CPOX: variants seen among roughly 807,000 people sequenced by gnomAD.
The protein encoded by CPOX is oxygen-dependent coproporphyrinogen-III oxidase, mitochondrial.
CPOX carries 24 observed loss-of-function variants against 48.9 expected under a neutral mutation model. The ratio of observed to expected loss-of-function variants is 0.49; its 90% CI spans 0.36 to 0.69. CPOX has a LOEUF of 0.69. Among genes scored for constraint, CPOX ranks in the 30% least tolerant of loss-of-function variants. The pLI is 0.00. For missense variants in CPOX, 549 were observed against 597.3 expected (o/e 0.92, Z 0.84); for synonymous variants, 249 against 234.6 (o/e 1.06, Z -0.56).
rs1707510006 is a variant in CPOX at position 98,593,019 on chromosome 3, C to G, written c.486G>C (p.Gln162His). ...MELLILETQA[Q>H]VCQALAQVDG... The stretch of plus-strand genomic sequence containing the variant: ...CTACCTGTGCCAGAGCCTGGCACAC[C>G]TGGGCCTGGGTCTCCAGAATCAGCA... The change falls in exon 1 of 7, where the codon CAG (glutamine) becomes CAC (histidine). Residue 162 changes from glutamine (Q) to histidine (H), a missense_variant. Transcript: ENST00000647941. The G allele has an allele frequency of 6.2e-7, 1 of 1,613,848 alleles. No homozygotes were observed. Among genetic ancestry groups the G allele is most frequent in the African/African-American group, 1.3e-5 (1 of 74,886 alleles).
chr3:98,593,361 G>A lies in CPOX; in HGVS notation c.144C>T (p.Cys48=), dbSNP rs1416285304. 2 of 1,340,152 alleles carry A rather than the reference G, an allele frequency of 1.5e-6. No homozygotes were observed. The highest frequency in any genetic ancestry group is 3.1e-5 in the East Asian group (1 of 32,434). 83.0% of individuals were successfully genotyped at this position (1,340,152 alleles called of 1,614,324 possible). The change falls in exon 1 of 7, where the codon TGC becomes TGT. Residue 48 remains cysteine, a synonymous_variant. Transcript: ENST00000647941. ...WSQRSAAGRV[C]RPPGPAGTEQ... ...CCGTGCCAGCCGGGCCAGGGGGCCG[G>A]CAGACGCGTCCGGCTGCGCTGCGCT...
At position 98,591,093 on chromosome 3, in the gene CPOX, T is replaced by C. The variant is rs1707470407; in HGVS notation, c.619A>G (p.Ile207Val). 6.2e-7 allele frequency: 1 copy of C among 1,614,112 alleles called. No individual in the cohort carries two copies. The highest frequency in any genetic ancestry group is 8.5e-7 in the Non-Finnish European group (1 of 1,180,006). Residue 207 changes from isoleucine to valine, a missense_variant, in exon 2 of 7, where the codon ATT becomes GTT. Physicochemically the swap from Ile to Val is conservative, Grantham distance 29 (BLOSUM62 3). Transcript: ENST00000647941. Reference protein sequence around the residue: ...GCVFEKAGVSISVVHGNLSEE... With the variant: ...GCVFEKAGVSVSVVHGNLSEE... The stretch of plus-strand genomic sequence containing the variant: ...GAAAGATTTCCATGAACAACAGAAA[T>C]GCTCACCCCAGCCTTTTCGAAAACA...
chr3:98,583,041 T>A (rs1707291136), intron 5 of CPOX, among the ~76,000 whole-genome samples: 2 of 152,216 alleles, frequency 1.3e-5, no homozygotes. Context: ...CCTGATATTA[T>A]CTTTCTGAAA....
At chr3:98,583,308 T>C (rs1707296492) in intron 5 of CPOX, among the ~76,000 whole-genome samples, 1 of 152,190 alleles carries the variant, frequency 6.6e-6, no homozygotes, top group African/African-American at 2.4e-5. Context: ...TTCTTCTTTC[T>C]TAAAGTAGTT....
In CPOX at chr3:98,590,753, A is replaced by C; in HGVS notation, c.701-11T>G. On this transcript the variant is annotated splice_polypyrimidine_tract_variant and intron_variant, in intron 2 of 6. Coordinates refer to ENST00000647941, the MANE Select transcript of CPOX (RefSeq NM_000097.7). Reference sequence around the variant, plus strand: ...AAAATGGCAATTTACCTGGAAAGTAAAATATGAGTCATGAGCTATATTCAG... The same window carrying C: ...AAAATGGCAATTTACCTGGAAAGTACAATATGAGTCATGAGCTATATTCAG... 2 of 1,570,620 alleles carry C rather than the reference A, an allele frequency of 1.3e-6. No individual in the cohort carries two copies. Among genetic ancestry groups the C allele is most frequent in the Non-Finnish European group, 1.8e-6 (2 of 1,140,530 alleles).
At chr3:98,587,422 G>A (rs1371482694) in intron 4 of CPOX, among the ~76,000 whole-genome samples, 5 of 150,326 alleles carry the variant, frequency 3.3e-5, no homozygotes, top group Non-Finnish European at 7.4e-5. Context: ...TAAATAAAAG[G>A]AACTTATTTC....
rs374136925 is a variant in CPOX, at chr3:98,581,511, C to A, written c.1173G>T (p.Arg391=). 42 of 1,608,970 alleles carry A rather than the reference C, an allele frequency of 2.6e-5. No homozygotes were observed. Among genetic ancestry groups the A allele is most frequent in the Non-Finnish European group, 3.6e-5 (42 of 1,175,560 alleles). The change falls in exon 6 of 7, where the codon CGG becomes CGT. Residue 391 remains arginine (R), a splice_region_variant and synonymous_variant. Coordinates refer to ENST00000647941, the MANE Select transcript of CPOX (RefSeq NM_000097.7). ...EKLWQQLRRG[R]YVEFNLLYDR... ...CATACAGCAGATTAAATTCTACATA[C>A]CTGCCATAAATACATCAAATAACAT...
In CPOX at chr3:98,580,332, T is replaced by TA; in HGVS notation, c.*350dup. On this transcript the variant is annotated 3_prime_UTR_variant, in exon 7 of 7. Transcript: ENST00000647941. Reference sequence around the variant, plus strand: ...ATTTTTGTGGCACAAATGAAAACTTTAAAAAATACATGAAACAAAAACAAG... The same window carrying TA: ...ATTTTTGTGGCACAAATGAAAACTTTAAAAAAATACATGAAACAAAAACAAG... 4.0e-6 allele frequency: 4 copies of TA among 1,007,876 alleles called. No individual in the cohort carries two copies. The highest frequency in any genetic ancestry group is 4.2e-5 in the South Asian group (1 of 23,718). The allele number at this position is 1,007,876 out of a possible 1,614,324, so 62.4% of individuals were successfully genotyped here.
the CPOX span, among the ~76,000 whole-genome samples, chr3:98,574,173 G>A: frequency 1.3e-5 from 2 of 152,140 alleles, no homozygotes; most frequent in African/African-American, 4.8e-5. Context: ...TGCTCTTCTC[G>A]TTTTTGTTAA....
intron 4 of CPOX, among the ~76,000 whole-genome samples, chr3:98,586,749 C>T (rs1196385353): frequency 1.3e-5 from 2 of 152,098 alleles, no homozygotes; most frequent in African/African-American, 4.8e-5. Flanking sequence ...TCGAGACCAT[C>T]CTGGCTAACA....
rs896951176 is a variant in CPOX, at chr3:98,579,639, T to C, written c.*1044A>G. The C allele has an allele frequency of 2.0e-6, 2 of 984,044 alleles. No homozygotes were observed. The highest frequency in any genetic ancestry group is 3.5e-5 in the African/African-American group (2 of 57,200). The allele number at this position is 984,044 out of a possible 1,614,324, so 61.0% of individuals were successfully genotyped here. A position where few individuals can be genotyped will look rare whatever the true frequency, so the allele number is the denominator to read the frequency against. ...AATAAAATAATACATTCATAATATA[T>C]GAACAAAGAAATCATACATTAAGAA... On this transcript the variant is annotated 3_prime_UTR_variant, in exon 7 of 7. Coordinates refer to ENST00000647941, the MANE Select transcript of CPOX (RefSeq NM_000097.7).
intron 5 of CPOX, among the ~76,000 whole-genome samples, chr3:98,582,865 T>C (rs1707287803): frequency 6.6e-6 from 1 of 152,174 alleles, no homozygotes; most frequent in African/African-American, 2.4e-5. Flanking sequence ...TGTAAAGAAT[T>C]TTATCTATGC....
intron 1 of CPOX, 108 bp from the exon 2 acceptor site, chr3:98,591,263 A>C: frequency 8.6e-7 from 1 of 1,169,486 alleles, no homozygotes; most frequent in Non-Finnish European, 1.3e-6. Flanking sequence ...CTTTTATATC[A>C]GTGTATTTAT....
chr3:98,590,218 G>A (rs1238582089), intron 3 of CPOX, among the ~76,000 whole-genome samples: 7 of 152,236 alleles, frequency 4.6e-5, no homozygotes, highest in East Asian at 1.9e-4. Context: ...CACAATCTCC[G>A]CTCACTGCAA....
At chr3:98,585,088 A>G (rs1707336255) in intron 5 of CPOX, among the ~76,000 whole-genome samples, 2 of 152,336 alleles carry the variant, frequency 1.3e-5, no homozygotes, top group Middle Eastern at 3.4e-3. Context: ...AAGATGAATG[A>G]AAAAAGGTGT....
downstream of CPOX, chr3:98,579,398 A>G (rs1707208786): frequency 1.6e-6 from 1 of 612,962 alleles, no homozygotes; most frequent in South Asian, 7.2e-5. Flanking sequence ...ACTAAGAAAT[A>G]TATGCGTTTT....
chr3:98,592,843 C>G (rs1411319524), intron 1 of CPOX, 106 bp downstream of exon 1: 2 of 1,282,846 alleles, frequency 1.6e-6, no homozygotes, highest in East Asian at 5.0e-5. Context: ...TGGGTACCCC[C>G]TACCTACCCC....
intron 2 of CPOX, 96 bp from the exon 3 acceptor site, chr3:98,590,838 AGCT>A (rs1299661111): frequency 8.0e-7 from 1 of 1,250,462 alleles, no homozygotes. Context: ...AATTTTCAAA[AGCT>A]GCTTTTTAAT....
chr3:98,576,123 G>A (rs951291205), downstream of CPOX, among the ~76,000 whole-genome samples: 1 of 148,742 alleles, frequency 6.7e-6, no homozygotes, highest in African/African-American at 2.5e-5. Flanking sequence ...AGGTCTGTGA[G>A]TGCATTATTC....
Sources: gnomAD v4.1 joint callset for allele counts (sites outside exome capture counted in the v4.1 genomes callset) on GRCh38, gnomAD v4.1.1 for gene constraint, MANE v1.5 for transcripts, NCBI Gene and HGNC (gene_info 2026-07-23, HGNC 2026-07-21) for gene names.